The following BCL11A variants were observed in gnomAD, a reference collection of about 807,000 sequenced individuals.
The protein encoded by BCL11A is B cell CLL/lymphoma 11A.
BCL11A carries 2 observed loss-of-function variants against 55.9 expected under a neutral mutation model. The ratio of observed to expected loss-of-function variants is 0.04; its 90% CI spans 0.01 to 0.11. The LOEUF is 0.11. Ranked by LOEUF, BCL11A falls within the 10% of genes least tolerant of loss-of-function variation. The probability of loss-of-function intolerance (pLI) is 1.00; values close to 1 mark genes in which losing one functional copy is unlikely to be tolerated. For missense variants in BCL11A, 817 were observed against 1,137.1 expected (o/e 0.72, Z 4.05); for synonymous variants, 465 against 473.4 (o/e 0.98, Z 0.23).
intron 2 of BCL11A, among the ~76,000 whole-genome samples, chr2:60,510,396 C>T (rs1454790778): frequency 6.6e-6 from 1 of 152,170 alleles, no homozygotes; most frequent in Non-Finnish European, 1.5e-5. Flanking sequence ...CTGGAACCAT[C>T]TTCTCAAAAT....
At position 60,460,489 on chromosome 2, in the gene BCL11A, G is replaced by C; in HGVS notation, c.2423C>G (p.Pro808Arg). Residue 808 changes from proline (P) to arginine (R), a missense_variant, in exon 4 of 4, where the codon CCT becomes CGT. Coordinates refer to ENST00000642384, the MANE Select transcript of BCL11A (RefSeq NM_022893.4). ...CTCCAGGGTACTGTACACGCTAAAA[G>C]GCATCTTACAAATTTCACATTTGTA... ...DVYKCEICKMPFSVYSTLEKH... is the reference protein window; with the variant it reads ...DVYKCEICKMRFSVYSTLEKH... 1 of 1,614,064 alleles carries C rather than the reference G, an allele frequency of 6.2e-7. No homozygotes were observed. Among genetic ancestry groups the C allele is most frequent in the Non-Finnish European group, 8.5e-7 (1 of 1,180,008 alleles).
chr2:60,539,197 T>C (rs1057374750), intron 2 of BCL11A, among the ~76,000 whole-genome samples: 1 of 152,200 alleles, frequency 6.6e-6, no homozygotes, highest in Admixed American at 6.5e-5. Flanking sequence ...TATGGTGTGG[T>C]GGTGGAAGAA....
downstream of BCL11A, among the ~76,000 whole-genome samples, chr2:60,456,065 T>C (rs534616734): frequency 2.8e-4 from 42 of 152,306 alleles, no homozygotes; most frequent in Non-Finnish European, 4.3e-4. Flanking sequence ...AACTGGCTTT[T>C]CAGAAAACAT....
intron 2 of BCL11A, among the ~76,000 whole-genome samples, chr2:60,531,675 C>T (rs552128858): frequency 6.6e-6 from 1 of 152,312 alleles, no homozygotes; most frequent in South Asian, 2.1e-4. Context: ...CGTGTTTTGG[C>T]AGTGCCCTGG....
intron 2 of BCL11A, chr2:60,543,088 C>A (rs1445536220): frequency 2.0e-5 from 3 of 146,890 alleles, no homozygotes; most frequent in Non-Finnish European, 3.0e-5. Flanking sequence ...AGTGAAAATG[C>A]ATACCATTTT....
intron 2 of BCL11A, among the ~76,000 whole-genome samples, chr2:60,514,835 C>G (rs1383010936): frequency 7.8e-6 from 1 of 128,284 alleles, no homozygotes; most frequent in Non-Finnish European, 1.6e-5. Context: ...ACTCAAATAT[C>G]AAAGGTCTTG....
intron 2 of BCL11A, among the ~76,000 whole-genome samples, chr2:60,496,183 A>G (rs755410859): frequency 6.6e-6 from 1 of 152,236 alleles, no homozygotes; most frequent in Admixed American, 6.5e-5. Context: ...CAGAACCGGG[A>G]AAGTTCTGGA....
intron 2 of BCL11A, among the ~76,000 whole-genome samples, chr2:60,477,514 T>G (rs911084100): frequency 6.6e-6 from 1 of 152,126 alleles, no homozygotes; most frequent in East Asian, 1.9e-4. Context: ...GATGGGTTGA[T>G]AGGTGCAGCA....
At chr2:60,473,880 AT>A (rs986236632) in intron 2 of BCL11A, among the ~76,000 whole-genome samples, 5 of 151,998 alleles carry the variant, frequency 3.3e-5, no homozygotes, top group East Asian at 3.9e-4. Flanking sequence ...TTACATGTGC[AT>A]TTTTTTTCCT....
intron 2 of BCL11A, chr2:60,543,685 G>A (rs1670023981): frequency 6.6e-6 from 1 of 152,170 alleles, no homozygotes; most frequent in South Asian, 2.1e-4. Flanking sequence ...CACTATTTAT[G>A]TTCAGCCAGT....
intron 2 of BCL11A, among the ~76,000 whole-genome samples, chr2:60,506,638 C>T (rs1177974176): frequency 6.6e-6 from 1 of 152,124 alleles, no homozygotes; most frequent in African/African-American, 2.4e-5. Context: ...AGGCAGCTCA[C>T]TAAGAAAACG....
chr2:60,464,859 C>G (rs769128936), intron 3 of BCL11A, among the ~76,000 whole-genome samples: 22 of 152,232 alleles, frequency 1.4e-4, no homozygotes, highest in Non-Finnish European at 2.5e-4. Flanking sequence ...CCTCCCCTCT[C>G]TCTCATACAT....
chr2:60,468,076 G>GATA (rs1676977680), intron 3 of BCL11A, among the ~76,000 whole-genome samples: 5 of 147,032 alleles, frequency 3.4e-5, no homozygotes, highest in South Asian at 2.3e-4. Context: ...TGGTGGTAGT[G>GATA]ATGGTGGTGG....
intron 3 of BCL11A, among the ~76,000 whole-genome samples, chr2:60,465,863 G>C (rs765620161): frequency 6.6e-6 from 1 of 152,144 alleles, no homozygotes; most frequent in Non-Finnish European, 1.5e-5. Flanking sequence ...TACACACCCC[G>C]AACGGCTTCC....
At chr2:60,515,745 G>A (rs1668700649) in intron 2 of BCL11A, among the ~76,000 whole-genome samples, 1 of 152,190 alleles carries the variant, frequency 6.6e-6, no homozygotes, top group South Asian at 2.1e-4. Context: ...TGAGTGGACT[G>A]ACACAGACAT....
chr2:60,452,887 C>A (rs1169744081), downstream of BCL11A: 10 of 480,542 alleles, frequency 2.1e-5, no homozygotes, highest in South Asian at 9.1e-5. Context: ...TTCCGTCCCC[C>A]CAAGGAGGAC....
intron 2 of BCL11A, among the ~76,000 whole-genome samples, chr2:60,501,329 T>C (rs772821166): frequency 6.6e-6 from 1 of 152,068 alleles, no homozygotes; most frequent in Non-Finnish European, 1.5e-5. Context: ...GTCTTTAATA[T>C]CTATAAGAGC....
chr2:60,458,320 G>T lies in BCL11A; in HGVS notation c.*2084C>A. On this transcript the variant is annotated 3_prime_UTR_variant, in exon 4 of 4. Coordinates refer to ENST00000642384, the MANE Select transcript of BCL11A (RefSeq NM_022893.4). ...AAGAGCGGTGTGTATCCAAGGCATA[G>T]AATTTCCACTACCATTTTTAAATGG... 9.8e-7 allele frequency: 1 copy of T among 1,022,288 alleles called. No individual in the cohort carries two copies. 63.3% of individuals were successfully genotyped at this position (1,022,288 alleles called of 1,614,324 possible). A position where few individuals can be genotyped will look rare whatever the true frequency, so the allele number is the denominator to read the frequency against.
intron 2 of BCL11A, chr2:60,533,966 C>A (rs1375640016): frequency 6.6e-6 from 1 of 152,228 alleles, no homozygotes; most frequent in Non-Finnish European, 1.5e-5. Context: ...TTTTCCATCA[C>A]AATTTATTTT....
Sources: gnomAD v4.1 joint callset for allele counts (sites outside exome capture counted in the v4.1 genomes callset) on GRCh38, gnomAD v4.1.1 for gene constraint, MANE v1.5 for transcripts, NCBI Gene and HGNC (gene_info 2026-07-23, HGNC 2026-07-21) for gene names.